The following ZNF469 variants were observed in gnomAD, a reference collection of about 807,000 sequenced individuals.
ZNF469 encodes the protein zinc finger protein 469.
A neutral mutation model predicts 1.0 loss-of-function variants in ZNF469; 1 was observed. The ratio of observed to expected loss-of-function variants is 1.00; its 90% CI spans 0.35 to 4.73. ZNF469 has a LOEUF of 4.73. Among genes scored for constraint, ZNF469 ranks in the 30% most tolerant of loss-of-function variants. The pLI is 0.16. For missense variants in ZNF469, 6,100 were observed against 5,356.3 expected (o/e 1.14, Z -4.33); for synonymous variants, 2,703 against 2,363.4 (o/e 1.14, Z -4.17).
At chr16:88,135,668 A>C in the ZNF469 span, among the ~76,000 whole-genome samples, 623 of 150,956 alleles carry the variant, frequency 4.1e-3, 1 homozygote, top group Non-Finnish European at 6.7e-3. Context: ...TCGGTTCCTC[A>C]GCAACAGCGG....
intron 1 of ZNF469, among the ~76,000 whole-genome samples, chr16:88,385,886 G>A (rs904497567): frequency 2.0e-5 from 3 of 152,182 alleles, no homozygotes; most frequent in African/African-American, 4.8e-5. Context: ...CACAGGCCTG[G>A]CACACTGCAA....
chr16:88,426,742 G>A (rs962381137), intron 2 of ZNF469, among the ~76,000 whole-genome samples: 1 of 152,170 alleles, frequency 6.6e-6, no homozygotes, highest in African/African-American at 2.4e-5. Flanking sequence ...AGGTTACCCT[G>A]TAAGGCCTGG....
chr16:88,229,905 G>A, the ZNF469 span, among the ~76,000 whole-genome samples: 1,696 of 152,270 alleles, frequency 0.011, 41 homozygotes, highest in African/African-American at 0.038. Context: ...CCAGGGGCAC[G>A]GGGCCAGTGG....
chr16:88,264,498 A>G, the ZNF469 span, among the ~76,000 whole-genome samples: 1 of 125,692 alleles, frequency 8.0e-6, no homozygotes, highest in Admixed American at 9.2e-5. Context: ...CCACCTGTGC[A>G]TGTTCACAGA....
At chr16:88,131,338 G>A in the ZNF469 span, among the ~76,000 whole-genome samples, 2 of 148,270 alleles carry the variant, frequency 1.3e-5, no homozygotes, top group Admixed American at 1.4e-4. Flanking sequence ...AAGCCCTTGT[G>A]ACACCTGTCT....
the ZNF469 span, among the ~76,000 whole-genome samples, chr16:88,193,271 TGATGGTGGTGGTGGA>T: frequency 6.4e-5 from 9 of 140,458 alleles, no homozygotes; most frequent in Non-Finnish European, 9.4e-5. Flanking sequence ...GTGGTAGTGG[TGATGGTGGTGGTGGA>T]GATGGTGGTG....
chr16:88,410,437 G>A (rs1293287914), intron 1 of ZNF469, among the ~76,000 whole-genome samples: 1 of 151,762 alleles, frequency 6.6e-6, no homozygotes, highest in Non-Finnish European at 1.5e-5. Context: ...GAAGTTCACG[G>A]TGCAGGTCAC....
chr16:88,372,853 C>T, the ZNF469 span, among the ~76,000 whole-genome samples: 1 of 151,890 alleles, frequency 6.6e-6, no homozygotes, highest in Non-Finnish European at 1.5e-5. Context: ...TCACCACCAT[C>T]ATCATCACCA....
chr16:88,437,584 C>G lies in ZNF469; in HGVS notation c.10114C>G (p.Arg3372Gly). Residue 3372 changes from arginine to glycine, a missense_variant, in exon 3 of 3, where the codon CGG (arginine) becomes GGG (glycine). Coordinates refer to ENST00000565624, the MANE Select transcript of ZNF469 (RefSeq NM_001367624.2). ...QRVYLCPRCP[R>G]VYPEHGELLA... ...CGTCTACCTGTGCCCCCGGTGCCCC[C>G]GGGTCTACCCCGAGCACGGGGAGCT... 2 of 1,534,072 alleles carry G rather than the reference C, an allele frequency of 1.3e-6. No individual in the cohort carries two copies. Among genetic ancestry groups the G allele is most frequent in the Middle Eastern group, 1.7e-4 (1 of 5,940 alleles).
At chr16:88,215,383 A>ACTT in the ZNF469 span, among the ~76,000 whole-genome samples, 28,577 of 93,976 alleles carry the variant, frequency 0.3, 4,636 homozygotes, top group South Asian at 0.39. Flanking sequence ...TTGCCTTTTA[A>ACTT]TTTTTTTTTT....
At chr16:88,148,592 T>C in the ZNF469 span, among the ~76,000 whole-genome samples, 1,069 of 152,198 alleles carry the variant, frequency 7.0e-3, 26 homozygotes, top group Admixed American at 0.044. Flanking sequence ...TTCTCCAGGG[T>C]CCCTGAGCTC....
the ZNF469 span, among the ~76,000 whole-genome samples, chr16:88,335,732 G>A: frequency 6.6e-6 from 1 of 152,240 alleles, no homozygotes; most frequent in Non-Finnish European, 1.5e-5. Context: ...AGGCATTGAC[G>A]CAGCAACACC....
At chr16:88,209,422 C>G in the ZNF469 span, among the ~76,000 whole-genome samples, 4 of 152,000 alleles carry the variant, frequency 2.6e-5, no homozygotes, top group Admixed American at 1.3e-4. Context: ...TCCCGAGTAG[C>G]TGGGACTACA....
chr16:88,334,068 CTGTG>C, the ZNF469 span, among the ~76,000 whole-genome samples: 31 of 148,520 alleles, frequency 2.1e-4, no homozygotes, highest in African/African-American at 6.7e-4. Flanking sequence ...CTGTGTGTGT[CTGTG>C]TGTGTGTGTC....
intron 1 of ZNF469, among the ~76,000 whole-genome samples, chr16:88,411,336 C>G (rs1329145720): frequency 6.6e-6 from 1 of 152,130 alleles, no homozygotes; most frequent in African/African-American, 2.4e-5. Flanking sequence ...GCCTCCAGAG[C>G]CCAACGCAGC....
the ZNF469 span, among the ~76,000 whole-genome samples, chr16:88,159,987 G>T: frequency 6.6e-6 from 1 of 152,208 alleles, no homozygotes; most frequent in African/African-American, 2.4e-5. Context: ...TGGGCCCAAG[G>T]CTGCCTGGAT....
chr16:88,285,217 T>C, the ZNF469 span, among the ~76,000 whole-genome samples: 5 of 152,370 alleles, frequency 3.3e-5, 1 homozygote, highest in African/African-American at 1.2e-4. Flanking sequence ...CCCAGAGCTG[T>C]GGTAGGCAGG....
chr16:88,422,181 TGGG>T (rs1380017956), intron 1 of ZNF469, among the ~76,000 whole-genome samples: 5 of 135,218 alleles, frequency 3.7e-5, no homozygotes, highest in East Asian at 4.5e-4. Context: ...GGCAGGAGGA[TGGG>T]GGGACGGGCA....
chr16:88,200,014 G>A, the ZNF469 span, among the ~76,000 whole-genome samples: 17 of 152,276 alleles, frequency 1.1e-4, no homozygotes, highest in African/African-American at 3.6e-4. Context: ...CCATGACCTC[G>A]CCAAATGCCT....
Sources: gnomAD v4.1 joint callset for allele counts (sites outside exome capture counted in the v4.1 genomes callset) on GRCh38, gnomAD v4.1.1 for gene constraint, MANE v1.5 for transcripts, NCBI Gene and HGNC (gene_info 2026-07-23, HGNC 2026-07-21) for gene names.